ZWILCH: variants seen among roughly 807,000 people sequenced by gnomAD.
ZWILCH encodes zwilch kinetochore protein.
In ZWILCH, 74 loss-of-function variants were observed where a neutral mutation model predicts 79.9. The ratio of observed to expected loss-of-function variants is 0.93; its 90% CI spans 0.77 to 1.12. ZWILCH has a LOEUF of 1.12. Among genes scored for constraint, ZWILCH ranks in the 50% most tolerant of loss-of-function variants. The probability of loss-of-function intolerance (pLI) is 0.00; values close to 1 mark genes in which losing one functional copy is unlikely to be tolerated. For synonymous variants in ZWILCH, 241 were observed against 228.2 expected (o/e 1.06, Z -0.51); for missense variants, 694 against 687.5 (o/e 1.01, Z -0.11).
chr15:66,532,905 A>G (rs1894897397), intron 13 of ZWILCH, 80 bp from the exon 14 acceptor site: 1 of 941,384 alleles, frequency 1.1e-6, no homozygotes, highest in Admixed American at 3.5e-5. Flanking sequence ...GAATTTAAAT[A>G]GAAATTTAAA....
At position 66,513,989 on chromosome 15, in the gene ZWILCH, C is replaced by G. The variant is rs150492797; in HGVS notation, c.107C>G (p.Ala36Gly). Residue 36 changes from alanine (A) to glycine (G), a missense_variant and splice_region_variant, in exon 3 of 19, where the codon GCT (alanine) becomes GGT (glycine). Coordinates refer to ENST00000307897, the MANE Select transcript of ZWILCH (RefSeq NM_017975.5). ...GIRKDPFLYEADVQVQLISKG... is the reference protein window; with the variant it reads ...GIRKDPFLYEGDVQVQLISKG... ...GTTGCTCGATACCTGTTTTAACAGG[C>G]TGATGTCCAAGTGCAGTTGATCAGC... 20 of 1,607,956 alleles carry G rather than the reference C, an allele frequency of 1.2e-5. 1 individual carries two copies. The African/African-American group carries it at 2.7e-4, about 22-fold the overall frequency.
At position 66,520,644 on chromosome 15, in the gene ZWILCH, G is replaced by T. The variant is rs562042882; in HGVS notation, c.575G>T (p.Arg192Ile). The T allele has an allele frequency of 1.3e-6, 2 of 1,554,892 alleles. No homozygotes were observed. The highest frequency in any genetic ancestry group is 2.2e-5 in the East Asian group (1 of 44,472). The change falls in exon 6 of 19, where the codon AGA becomes ATA. Residue 192 changes from arginine to isoleucine, a missense_variant. Arg to Ile is a moderately conservative substitution (Grantham distance 97). Transcript: ENST00000307897. Reference sequence around the variant, plus strand: ...AACCTAAAAAATTTACACAAGAAAAGACATCACTTGTCTACTGTAAGTGTT... The same window carrying T: ...AACCTAAAAAATTTACACAAGAAAATACATCACTTGTCTACTGTAAGTGTT... ...LENLKNLHKK[R>I]HHLSTVTSKG... is the part of the protein sequence containing the mutation.
chr15:66,508,108 A>G (rs1893896881), intron 1 of ZWILCH, among the ~76,000 whole-genome samples: 1 of 152,210 alleles, frequency 6.6e-6, no homozygotes, highest in East Asian at 1.9e-4. Context: ...GATCAAATAT[A>G]GATATAAATG....
At chr15:66,520,897 A>C (rs142741817) in intron 6 of ZWILCH, among the ~76,000 whole-genome samples, 153 bp from the exon 7 acceptor site, 1 of 152,294 alleles carries the variant, frequency 6.6e-6, no homozygotes, top group African/African-American at 2.4e-5. Flanking sequence ...TATGGAAAGT[A>C]TATATCCCAA....
At chr15:66,545,311 G>A (rs903082575) in intron 17 of ZWILCH, among the ~76,000 whole-genome samples, 6 of 152,014 alleles carry the variant, frequency 3.9e-5, no homozygotes, top group African/African-American at 1.2e-4. Context: ...ACAAGATCAC[G>A]CCATTGCACT....
chr15:66,538,678 G>C (rs1034574855), intron 16 of ZWILCH, among the ~76,000 whole-genome samples: 1 of 152,130 alleles, frequency 6.6e-6, no homozygotes, highest in African/African-American at 2.4e-5. Context: ...ACCATGCTCG[G>C]TCTACTTCAG....
rs773411956 is a variant in ZWILCH at position 66,548,848 on chromosome 15, T to C, written c.*524T>C. On this transcript the variant is annotated 3_prime_UTR_variant, in exon 19 of 19. Coordinates refer to ENST00000307897, the MANE Select transcript of ZWILCH (RefSeq NM_017975.5). ...TGCCTGAATTTGGTTCTTCTACAGG[T>C]GCTATAATAAAGTCCATCTCTCAAT... 3.3e-5 allele frequency: 9 copies of C among 270,120 alleles called. No individual in the cohort carries two copies. The highest frequency in any genetic ancestry group is 2.3e-3 in the Middle Eastern group (2 of 856). 16.7% of individuals were successfully genotyped at this position (270,120 alleles called of 1,614,324 possible).
rs763455362 is a variant in ZWILCH, at chr15:66,508,822, A to G, written c.54-19A>G. 3.1e-6 allele frequency: 5 copies of G among 1,613,940 alleles called. No homozygotes were observed. The highest frequency in any genetic ancestry group is 4.2e-6 in the Non-Finnish European group (5 of 1,179,888). Reference sequence around the variant, plus strand: ...GAGATAATGTAGTTCTGTTTTTCACATGTGGTTCTGCGTTTCAGGAAATTT... The same window carrying G: ...GAGATAATGTAGTTCTGTTTTTCACGTGTGGTTCTGCGTTTCAGGAAATTT... On this transcript the variant is annotated intron_variant, in intron 1 of 18. Coordinates refer to ENST00000307897, the MANE Select transcript of ZWILCH (RefSeq NM_017975.5).
At chr15:66,506,771 T>C (rs1285587462) in intron 1 of ZWILCH, among the ~76,000 whole-genome samples, 2 of 151,882 alleles carry the variant, frequency 1.3e-5, no homozygotes, top group Non-Finnish European at 2.9e-5. Context: ...AGCCCAGGAG[T>C]TGGAGGCCAG....
rs769354705 is a variant in ZWILCH at position 66,528,902 on chromosome 15, C to T, written c.1020C>T (p.Phe340=). ...AAVDRSVKRL[F]KVRSDLDFAE... Reference sequence around the variant, plus strand: ...TCGATCGTTCCGTCAAGCGTCTTTTCAAAGTTCGGAGTGATCTTGATTTTG... The same window carrying T: ...TCGATCGTTCCGTCAAGCGTCTTTTTAAAGTTCGGAGTGATCTTGATTTTG... The change falls in exon 11 of 19, where the codon TTC becomes TTT. Residue 340 remains phenylalanine, a synonymous_variant. Coordinates refer to ENST00000307897, the MANE Select transcript of ZWILCH (RefSeq NM_017975.5). 1 of 1,614,120 alleles carries T rather than the reference C, an allele frequency of 6.2e-7. No individual in the cohort carries two copies. Among genetic ancestry groups the T allele is most frequent in the Non-Finnish European group, 8.5e-7 (1 of 1,180,010 alleles).
At chr15:66,509,084 T>C (rs1893932211) in intron 2 of ZWILCH, among the ~76,000 whole-genome samples, 192 bp downstream of exon 2, 1 of 152,014 alleles carries the variant, frequency 6.6e-6, no homozygotes, top group Non-Finnish European at 1.5e-5. Flanking sequence ...GAACTACAGG[T>C]GCCTGCCACC....
intron 16 of ZWILCH, among the ~76,000 whole-genome samples, chr15:66,539,332 A>T (rs1169760366): frequency 7.1e-6 from 1 of 141,256 alleles, no homozygotes; most frequent in East Asian, 2.2e-4. Context: ...TAAGGCCTGG[A>T]GGTCGAAGCT....
chr15:66,513,429 G>A (rs769427378), intron 2 of ZWILCH, among the ~76,000 whole-genome samples: 3 of 151,820 alleles, frequency 2.0e-5, no homozygotes, highest in African/African-American at 2.4e-5. Flanking sequence ...AGCCAGGTGC[G>A]GTGGCACACA....
intron 17 of ZWILCH, among the ~76,000 whole-genome samples, chr15:66,542,429 C>T (rs2140809784): frequency 6.6e-6 from 1 of 152,232 alleles, no homozygotes; most frequent in East Asian, 1.9e-4. Context: ...ACTGAAAATA[C>T]AAAAACTTAG....
At chr15:66,509,819 CTACA>C (rs1893967949) in intron 2 of ZWILCH, among the ~76,000 whole-genome samples, 2 of 49,850 alleles carry the variant, frequency 4.0e-5, no homozygotes, top group Admixed American at 2.3e-4. Context: ...GTGTGTGTGG[CTACA>C]TATATATATA....
At chr15:66,528,049 T>C in intron 10 of ZWILCH, 137 bp downstream of exon 10, 2 of 519,886 alleles carry the variant, frequency 3.8e-6, no homozygotes, top group Non-Finnish European at 6.6e-6. Flanking sequence ...TTTGTTGATC[T>C]TTATTGTCAG....
Position 66,532,246 on chromosome 15 carries a change from G to A in ZWILCH, c.1156-1G>A. The A allele has an allele frequency of 6.4e-7, 1 of 1,561,078 alleles. No individual in the cohort carries two copies. The highest frequency in any genetic ancestry group is 8.6e-7 in the Non-Finnish European group (1 of 1,160,802). On this transcript the variant is annotated splice_acceptor_variant, in intron 12 of 18. Coordinates refer to ENST00000307897, the MANE Select transcript of ZWILCH (RefSeq NM_017975.5). LOFTEE classifies it high-confidence loss of function. ...TTTTATAAAATTTTCCTGATTTCTA[G>A]CTCCATAGTGGAAGTAACAGTTTAC... is the stretch of plus-strand genomic sequence containing the variant.
At chr15:66,526,469 CT>C (rs1014781917) in intron 8 of ZWILCH, among the ~76,000 whole-genome samples, 16 of 148,430 alleles carry the variant, frequency 1.1e-4, no homozygotes, top group South Asian at 4.2e-4. Flanking sequence ...ACTGCTTTTT[CT>C]TTCTTTTTTT....
chr15:66,518,637 ACT>A (rs1261320764), intron 4 of ZWILCH, among the ~76,000 whole-genome samples: 3 of 151,964 alleles, frequency 2.0e-5, no homozygotes. Flanking sequence ...ACACTGCAAG[ACT>A]CTGTCTCTAC....
Sources: gnomAD v4.1 joint callset for allele counts (sites outside exome capture counted in the v4.1 genomes callset) on GRCh38, gnomAD v4.1.1 for gene constraint, MANE v1.5 for transcripts, NCBI Gene and HGNC (gene_info 2026-07-23, HGNC 2026-07-21) for gene names.